NT5C3A: variants seen among roughly 807,000 people sequenced by gnomAD.
NT5C3A encodes 5'-nucleotidase, cytosolic IIIA, also known as cytosolic 5'-nucleotidase 3A.
A neutral mutation model predicts 40.0 loss-of-function variants in NT5C3A; 23 were observed. That is an observed-to-expected ratio of 0.58 (90% CI 0.41 to 0.81). The LOEUF is 0.81. Ranked by LOEUF, NT5C3A falls within the 40% of genes least tolerant of loss-of-function variation. The probability of loss-of-function intolerance (pLI) is 0.00; values close to 1 mark genes in which losing one functional copy is unlikely to be tolerated. For synonymous variants in NT5C3A, 130 were observed against 141.4 expected (o/e 0.92, Z 0.57); for missense variants, 328 against 403.0 (o/e 0.81, Z 1.59).
chr7:33,053,176 ACTGT>A (rs1787439302), intron 1 of NT5C3A, among the ~76,000 whole-genome samples: 2 of 152,056 alleles, frequency 1.3e-5, no homozygotes, highest in African/African-American at 2.4e-5. Context: ...ATAACAAGAC[ACTGT>A]CTGTTTTTGT....
chr7:33,042,168 C>T (rs1012821353), intron 1 of NT5C3A, among the ~76,000 whole-genome samples: 3 of 152,074 alleles, frequency 2.0e-5, no homozygotes, highest in Non-Finnish European at 4.4e-5. Context: ...GAAACCCCAT[C>T]TCTACCAAAA....
At position 33,015,861 on chromosome 7, in the gene NT5C3A, T is replaced by C. The variant is rs1366704789; in HGVS notation, c.703A>G (p.Lys235Glu). 3 of 1,602,414 alleles carry C rather than the reference T, an allele frequency of 1.9e-6. No homozygotes were observed. In the Admixed American group the frequency reaches 5.0e-5, roughly 27 times the overall value. Reference sequence around the variant, plus strand: ...TGAATTAGTTCTCCTTTAAATCCTTTGAGCACCCCCTATGAAAAATATAAA... The same window carrying C: ...TGAATTAGTTCTCCTTTAAATCCTTCGAGCACCCCCTATGAAAAATATAAA... Reference protein sequence around the residue: ...FMDFDETGVLKGFKGELIHVF... With the variant: ...FMDFDETGVLEGFKGELIHVF... The change falls in exon 8 of 9, where the codon AAA (lysine) becomes GAA (glutamate). Residue 235 changes from lysine to glutamate, a missense_variant. Lys to Glu is a moderately conservative substitution (Grantham distance 56, BLOSUM62 1). Around this residue, in one of 3 missense-constraint regions of NT5C3A, gnomAD observed 280 missense variants for 317.2 expected, o/e 0.88. Coordinates refer to ENST00000610140, the MANE Select transcript of NT5C3A (RefSeq NM_001002010.5).
At chr7:33,043,627 G>A (rs1787021361) in intron 1 of NT5C3A, among the ~76,000 whole-genome samples, 1 of 152,172 alleles carries the variant, frequency 6.6e-6, no homozygotes, top group Non-Finnish European at 1.5e-5. Flanking sequence ...GGTCTCTAAG[G>A]GTAGGTGGTT....
At chr7:33,044,346 CAA>C (rs781503076) in intron 1 of NT5C3A, among the ~76,000 whole-genome samples, 2 of 151,856 alleles carry the variant, frequency 1.3e-5, no homozygotes, top group Non-Finnish European at 2.9e-5. Flanking sequence ...AGCACTGAAT[CAA>C]AGACACTGAA....
chr7:33,051,352 TG>T (rs759525035), intron 1 of NT5C3A, among the ~76,000 whole-genome samples: 1 of 151,986 alleles, frequency 6.6e-6, no homozygotes, highest in South Asian at 2.1e-4. Flanking sequence ...TTAGTATAGA[TG>T]GGGTTTCACC....
intron 1 of NT5C3A, among the ~76,000 whole-genome samples, chr7:33,047,719 T>G (rs888682963): frequency 5.3e-5 from 8 of 152,148 alleles, no homozygotes; most frequent in South Asian, 4.1e-4. Context: ...ACGGGGGTCT[T>G]TTAAGGTGGT....
At chr7:33,050,972 G>T (rs1239225580) in intron 1 of NT5C3A, among the ~76,000 whole-genome samples, 1 of 151,638 alleles carries the variant, frequency 6.6e-6, no homozygotes, top group Admixed American at 6.6e-5. Flanking sequence ...TGTTTTTAAG[G>T]AGAGAAAAAA....
At chr7:33,031,009 G>T (rs1169486904) in intron 1 of NT5C3A, among the ~76,000 whole-genome samples, 1 of 150,984 alleles carries the variant, frequency 6.6e-6, no homozygotes, top group Non-Finnish European at 1.5e-5. Flanking sequence ...TGAGGCAGGA[G>T]AATGGCATGA....
At chr7:33,042,073 A>G (rs1786942277) in intron 1 of NT5C3A, among the ~76,000 whole-genome samples, 1 of 152,206 alleles carries the variant, frequency 6.6e-6, no homozygotes, top group Admixed American at 6.5e-5. Context: ...GTGGTGGCTC[A>G]TGCCTGTAAT....
At chr7:33,047,250 G>A (rs1297149614) in intron 1 of NT5C3A, among the ~76,000 whole-genome samples, 3 of 152,130 alleles carry the variant, frequency 2.0e-5, no homozygotes, top group Non-Finnish European at 4.4e-5. Flanking sequence ...TGGCAAAAAG[G>A]TAATGCAATT....
rs761894976 is a variant in NT5C3A at position 33,017,510 on chromosome 7, C to A, written c.622G>T (p.Val208Phe). 3.7e-6 allele frequency: 6 copies of A among 1,613,610 alleles called. No homozygotes were observed. Among genetic ancestry groups the A allele is most frequent in the Non-Finnish European group, 5.1e-6 (6 of 1,179,632 alleles). The change falls in exon 7 of 9, where the codon GTT (valine) becomes TTT (phenylalanine). Residue 208 changes from valine (V) to phenylalanine (F), a missense_variant. Transcript: ENST00000610140. ...TGATAAACACCAGCTTGACGAATAA[C>A]TTCCTCTAGTACATCGCCGATTCCA... ...SAGIGDVLEE[V>F]IRQAGVYHPN...
intron 1 of NT5C3A, among the ~76,000 whole-genome samples, chr7:33,056,496 AAAAAAAAAAAAAAAAAAAAAT>A (rs1787576824): frequency 7.2e-6 from 1 of 138,288 alleles, no homozygotes; most frequent in African/African-American, 2.9e-5. Context: ...AAAAAAAAAA[AAAAAAAAAAAAAAAAAAAAAT>A]TTAACTTAGC....
chr7:33,019,630 C>G lies in NT5C3A; in HGVS notation c.530+5G>C, dbSNP rs1355606310. Reference sequence around the variant, plus strand: ...ATAACAGCAAAAAACATCCAAGAAACTTACTTGAGCATAACGTCAGATTCT... The same window carrying G: ...ATAACAGCAAAAAACATCCAAGAAAGTTACTTGAGCATAACGTCAGATTCT... On this transcript the variant is annotated splice_donor_5th_base_variant and intron_variant, in intron 6 of 8. Transcript: ENST00000610140. The G allele has an allele frequency of 3.2e-6, 5 of 1,555,488 alleles. No homozygotes were observed. In the Admixed American group the frequency reaches 8.3e-5, roughly 26 times the overall value.
At chr7:33,044,422 T>C (rs966586868) in intron 1 of NT5C3A, among the ~76,000 whole-genome samples, 1 of 152,112 alleles carries the variant, frequency 6.6e-6, no homozygotes, top group Non-Finnish European at 1.5e-5. Flanking sequence ...AGAAAGGATA[T>C]GGAAGTACGA....
At chr7:33,058,659 T>C (rs1399930817) in intron 1 of NT5C3A, among the ~76,000 whole-genome samples, 1 of 152,202 alleles carries the variant, frequency 6.6e-6, no homozygotes, top group African/African-American at 2.4e-5. Flanking sequence ...CCCAGAGTAG[T>C]ACACTCTTTC....
chr7:33,033,182 T>C (rs1331309831), intron 1 of NT5C3A, among the ~76,000 whole-genome samples: 4 of 152,246 alleles, frequency 2.6e-5, no homozygotes, highest in Admixed American at 2.0e-4. Context: ...TGGTTTTCCA[T>C]TGTTTATATT....
intron 1 of NT5C3A, chr7:33,029,362 T>G: frequency 3.2e-6 from 1 of 310,322 alleles, no homozygotes; most frequent in Non-Finnish European, 6.4e-6. Flanking sequence ...GTATTTACTC[T>G]GCTTTTCTGC....
chr7:33,040,875 G>A, intron 1 of NT5C3A: 4 of 984,812 alleles, frequency 4.1e-6, no homozygotes, highest in Non-Finnish European at 4.8e-6. Context: ...CACTTACCCT[G>A]AAGGTAACCG....
At chr7:33,050,248 T>C (rs925344035) in intron 1 of NT5C3A, among the ~76,000 whole-genome samples, 1 of 152,202 alleles carries the variant, frequency 6.6e-6, no homozygotes, top group South Asian at 2.1e-4. Flanking sequence ...TACCAAACAA[T>C]AGCACAGTGC....
Sources: gnomAD v4.1 joint callset for allele counts (sites outside exome capture counted in the v4.1 genomes callset) on GRCh38, gnomAD v4.1.1 for gene constraint, gnomAD v4.1.1 regional missense constraint, MANE v1.5 for transcripts, NCBI Gene and HGNC (gene_info 2026-07-23, HGNC 2026-07-21) for gene names.